TMEFF1: variants seen among roughly 807,000 people sequenced by gnomAD.
The protein encoded by TMEFF1 is transmembrane protein with EGF like and two follistatin like domains 1.
TMEFF1 carries 20 observed loss-of-function variants against 47.5 expected under a neutral mutation model. That is an observed-to-expected ratio of 0.42 (90% CI 0.30 to 0.61). The LOEUF (loss-of-function observed/expected upper bound fraction) is 0.61. Among genes scored for constraint, TMEFF1 ranks in the 20% least tolerant of loss-of-function variants. The probability of loss-of-function intolerance (pLI) is 0.19; values close to 1 mark genes in which losing one functional copy is unlikely to be tolerated. For missense variants in TMEFF1, 411 were observed against 471.1 expected, an observed-to-expected ratio of 0.87 and a Z score of 1.18; for synonymous variants, 162 against 166.3, an observed-to-expected ratio of 0.97 and a Z score of 0.20.
intron 2 of TMEFF1, among the ~76,000 whole-genome samples, chr9:100,505,667 C>G (rs929077455): frequency 6.6e-6 from 1 of 152,158 alleles, no homozygotes; most frequent in Non-Finnish European, 1.5e-5. Flanking sequence ...TGCAGTACTT[C>G]AGGCATCCTT....
chr9:100,543,458 T>TGG, intron 5 of TMEFF1, among the ~76,000 whole-genome samples: 1 of 152,278 alleles, frequency 6.6e-6, no homozygotes, highest in South Asian at 2.1e-4. Context: ...TACTTAGTTG[T>TGG]GGGTATGTGA....
chr9:100,572,779 C>T, intron 9 of TMEFF1, 103 bp downstream of exon 9: 3 of 1,389,182 alleles, frequency 2.2e-6, no homozygotes, highest in Non-Finnish European at 2.8e-6. Flanking sequence ...ATCTTATGAT[C>T]AGTTCCCTGA....
chr9:100,560,780 T>C (rs1225440074), intron 7 of TMEFF1, among the ~76,000 whole-genome samples: 1 of 152,208 alleles, frequency 6.6e-6, no homozygotes, highest in African/African-American at 2.4e-5. Context: ...TATTTTGAAT[T>C]TCTTTTTTAA....
At chr9:100,555,162 G>GACACAC (rs112017161) in intron 7 of TMEFF1, among the ~76,000 whole-genome samples, 1,642 of 144,476 alleles carry the variant, frequency 0.011, 14 homozygotes, top group South Asian at 0.042. Context: ...TGTACACACA[G>GACACAC]ACACACACAC....
intron 8 of TMEFF1, among the ~76,000 whole-genome samples, chr9:100,568,596 C>A (rs972933930): frequency 3.3e-5 from 1 of 30,514 alleles, no homozygotes; most frequent in African/African-American, 8.4e-5. Flanking sequence ...CCCTCCCTCT[C>A]TTCCTTCCTT....
chr9:100,498,686 C>T (rs1007016655), intron 1 of TMEFF1, 79 bp from the exon 2 acceptor site: 20 of 932,920 alleles, frequency 2.1e-5, no homozygotes, highest in Admixed American at 2.8e-5. Context: ...CTTTTTCATA[C>T]ACACACACAC....
At chr9:100,530,827 A>G (rs1170391431) in intron 5 of TMEFF1, among the ~76,000 whole-genome samples, 2 of 152,144 alleles carry the variant, frequency 1.3e-5, no homozygotes, top group African/African-American at 4.8e-5. Flanking sequence ...CATTGATGCA[A>G]AAATCCTCAA....
chr9:100,531,327 T>C (rs536901751), intron 5 of TMEFF1, among the ~76,000 whole-genome samples: 24 of 152,270 alleles, frequency 1.6e-4, no homozygotes, highest in African/African-American at 5.8e-4. Context: ...TGATTGTATA[T>C]CTAGAAAACC....
At chr9:100,478,852 C>T (rs1383437488) in intron 1 of TMEFF1, among the ~76,000 whole-genome samples, 2 of 152,168 alleles carry the variant, frequency 1.3e-5, no homozygotes, top group South Asian at 2.1e-4. Context: ...ATGAGACTAA[C>T]CATGTGGGGC....
chr9:100,477,198 T>C (rs184453627), intron 1 of TMEFF1, among the ~76,000 whole-genome samples: 2 of 152,300 alleles, frequency 1.3e-5, no homozygotes, highest in Admixed American at 1.3e-4. Context: ...GTTGTCTAGA[T>C]TGTGAAAAAG....
Position 100,547,730 on chromosome 9 carries a change from G to A in TMEFF1, c.561-14G>A, listed in dbSNP as rs1268332083. ...TTGTTGTAAAATATAGGTAATTTTT[G>A]TCTTTTCCAACAGGTGTGTATGTAA... is the stretch of plus-strand genomic sequence containing the variant. On this transcript the variant is annotated splice_polypyrimidine_tract_variant and intron_variant, in intron 5 of 9. Coordinates refer to ENST00000374879, the MANE Select transcript of TMEFF1 (RefSeq NM_003692.5). 6 of 1,482,838 alleles carry A rather than the reference G, an allele frequency of 4.0e-6. No individual in the cohort carries two copies. The South Asian group carries it at 8.7e-5, about 21-fold the overall frequency. The allele number at this position is 1,482,838 out of a possible 1,614,324, so 91.9% of individuals were successfully genotyped here.
rs560327059 is a variant in TMEFF1 at position 100,503,516 on chromosome 9, A to T, written c.306+4642A>T. Among the ~76,000 whole-genome samples, 3 of 148,640 alleles carry T rather than the reference A, an allele frequency of 2.0e-5. No individual in the cohort carries two copies. In the East Asian group the frequency reaches 6.2e-4, roughly 31 times the overall value. On this transcript the variant is annotated intron_variant, in intron 2 of 9. Transcript: ENST00000374879. ...TCTTATTAGACCCTTTATTAGTCAC[A>T]GTTCTCCAGAGAAACAGAAACACAC...
chr9:100,523,853 A>G (rs1458513308), intron 5 of TMEFF1, among the ~76,000 whole-genome samples: 7 of 152,190 alleles, frequency 4.6e-5, no homozygotes, highest in African/African-American at 7.2e-5. Flanking sequence ...GTTTTGAGGT[A>G]TTATCCCTGT....
intron 1 of TMEFF1, among the ~76,000 whole-genome samples, chr9:100,478,593 T>C (rs953298508): frequency 6.6e-5 from 10 of 152,258 alleles, no homozygotes; most frequent in African/African-American, 1.7e-4. Context: ...TTTAGACTTA[T>C]TGAGATTAAA....
intron 6 of TMEFF1, among the ~76,000 whole-genome samples, chr9:100,549,870 T>G (rs1173406161): frequency 6.6e-6 from 1 of 152,154 alleles, no homozygotes; most frequent in Non-Finnish European, 1.5e-5. Context: ...GGAGCTGAAG[T>G]ATAGATGAAA....
chr9:100,520,544 A>G (rs956156063), intron 5 of TMEFF1, among the ~76,000 whole-genome samples: 1 of 152,194 alleles, frequency 6.6e-6, no homozygotes, highest in African/African-American at 2.4e-5. Context: ...TGCTATTAAG[A>G]GAAGTGCTTT....
At chr9:100,494,235 G>C (rs1587819486) in intron 1 of TMEFF1, among the ~76,000 whole-genome samples, 1 of 147,242 alleles carries the variant, frequency 6.8e-6, no homozygotes, top group African/African-American at 2.5e-5. Flanking sequence ...AAAAAAGTAA[G>C]GTGTCAGAGC....
chr9:100,504,096 A>G (rs1380496425), intron 2 of TMEFF1, among the ~76,000 whole-genome samples: 3 of 152,234 alleles, frequency 2.0e-5, no homozygotes, highest in Non-Finnish European at 4.4e-5. Flanking sequence ...TGGCAACATC[A>G]TCACATTCTT....
intron 5 of TMEFF1, among the ~76,000 whole-genome samples, chr9:100,547,037 A>G (rs1838746261): frequency 6.6e-6 from 1 of 152,136 alleles, no homozygotes; most frequent in African/African-American, 2.4e-5. Flanking sequence ...TTTATTTAAG[A>G]CAGGGTCTCA....
Sources: allele counts gnomAD v4.1 joint callset (sites outside exome capture counted in the v4.1 genomes callset), GRCh38; gene constraint gnomAD v4.1.1; transcripts MANE v1.5; gene names NCBI Gene and HGNC (gene_info 2026-07-23, HGNC 2026-07-21).